KLHL18: variants seen among roughly 807,000 people sequenced by gnomAD.
The protein encoded by KLHL18 is kelch-like protein 18.
A neutral mutation model predicts 58.5 loss-of-function variants in KLHL18; 38 were observed. That is an observed-to-expected ratio of 0.65 (90% CI 0.50 to 0.85). KLHL18 has a LOEUF of 0.85. Ranked by LOEUF, KLHL18 falls within the 40% of genes least tolerant of loss-of-function variation. KLHL18 has a pLI of 0.00. For synonymous variants in KLHL18, 303 were observed against 301.9 expected (o/e 1.00, Z -0.04); for missense variants, 624 against 778.4 (o/e 0.80, Z 2.36).
rs1381970549 is a variant in KLHL18 at position 47,304,899 on chromosome 3, C to G, written c.130-14754C>G. Among the ~76,000 whole-genome samples the G allele has an allele frequency of 2.0e-5, 3 of 151,868 alleles. No individual in the cohort carries two copies. In the East Asian group the frequency reaches 5.8e-4, roughly 30 times the overall value. The stretch of plus-strand genomic sequence containing the variant: ...ATTAGCTGGGTGTGGTGGTGCCCAC[C>G]TGTAGTCCCAACTACTTGGGAGGCT... On this transcript the variant is annotated intron_variant, in intron 1 of 9. Coordinates refer to ENST00000232766, the MANE Select transcript of KLHL18 (RefSeq NM_025010.5).
chr3:47,346,677 A>T lies in KLHL18; in HGVS notation c.*2736A>T, dbSNP rs527998870. 9.8e-5 allele frequency: 15 copies of T among 152,788 alleles called. No homozygotes were observed. Among genetic ancestry groups the T allele is most frequent in the African/African-American group, 3.6e-4 (15 of 41,586 alleles). 9.5% of individuals were successfully genotyped at this position (152,788 alleles called of 1,614,324 possible). A position where few individuals can be genotyped will look rare whatever the true frequency, so the allele number is the denominator to read the frequency against. On this transcript the variant is annotated 3_prime_UTR_variant, in exon 10 of 10. Transcript: ENST00000232766. ...TACAGCCAGATGGGGGCTGAAGACCATCCTCTTGACCACAGAGGTGTGACT... is the reference window on the plus strand; with the variant it reads ...TACAGCCAGATGGGGGCTGAAGACCTTCCTCTTGACCACAGAGGTGTGACT...
At chr3:47,303,832 G>GCAACCT (rs1407061015) in intron 1 of KLHL18, among the ~76,000 whole-genome samples, 1 of 151,924 alleles carries the variant, frequency 6.6e-6, no homozygotes, top group African/African-American at 2.4e-5. Flanking sequence ...ATAGCTCACT[G>GCAACCT]CAACCTCAAA....
At chr3:47,343,439 C>T in intron 9 of KLHL18, 116 bp from the exon 10 acceptor site, 1 of 1,262,832 alleles carries the variant, frequency 7.9e-7, no homozygotes, top group Admixed American at 2.2e-5. Context: ...CTCCTTGTCC[C>T]CATACCTCCC....
rs185139712 is a variant in KLHL18, at chr3:47,329,517, G to A, written c.402-434G>A. 1.1e-3 allele frequency among the ~76,000 whole-genome samples: 172 copies of A among 152,318 alleles called. 2 individuals carry two copies. Among genetic ancestry groups the A allele is most frequent in the African/African-American group, 3.9e-3 (161 of 41,576 alleles). ...GCTGGGATTACAGGCGTGAGCCACC[G>A]TGTCCAGCCCTGTCTGTGTTTTTTA... On this transcript the variant is annotated intron_variant, in intron 3 of 9. Transcript: ENST00000232766.
chr3:47,305,891 G>A (rs1394890804), intron 1 of KLHL18, among the ~76,000 whole-genome samples: 1 of 152,088 alleles, frequency 6.6e-6, no homozygotes, highest in African/African-American at 2.4e-5. Flanking sequence ...GTTGTTCATA[G>A]TATTCTCCTG....
intron 1 of KLHL18, among the ~76,000 whole-genome samples, chr3:47,291,941 C>T (rs985311763): frequency 1.3e-5 from 2 of 152,156 alleles, no homozygotes; most frequent in Non-Finnish European, 2.9e-5. Context: ...AGAATGTTTC[C>T]AAAGTCTTAA....
At chr3:47,290,087 A>G (rs948637840) in intron 1 of KLHL18, among the ~76,000 whole-genome samples, 4 of 152,210 alleles carry the variant, frequency 2.6e-5, no homozygotes, top group African/African-American at 4.8e-5. Flanking sequence ...GGATTTGCCC[A>G]TGGCACAAAG....
chr3:47,344,514 C>CA lies in KLHL18; in HGVS notation c.*574dup, dbSNP rs1437749314. The CA allele has an allele frequency of 6.5e-6, 1 of 153,158 alleles. No individual in the cohort carries two copies. Among genetic ancestry groups the CA allele is most frequent in the African/African-American group, 2.4e-5 (1 of 41,332 alleles). 9.5% of individuals were successfully genotyped at this position (153,158 alleles called of 1,614,324 possible). On this transcript the variant is annotated 3_prime_UTR_variant, in exon 10 of 10. Transcript: ENST00000232766. The stretch of plus-strand genomic sequence containing the variant: ...GATTCTGTCCTCATTGCTGGGTAAG[C>CA]AGGGAGAAGAGAAGTTTTCCCCATG...
intron 1 of KLHL18, among the ~76,000 whole-genome samples, chr3:47,292,320 T>C (rs1367636383): frequency 6.6e-6 from 1 of 151,190 alleles, no homozygotes; most frequent in Admixed American, 6.6e-5. Context: ...ACTAAAAATA[T>C]AAAATTAGCC....
intron 2 of KLHL18, among the ~76,000 whole-genome samples, chr3:47,321,159 T>G (rs540525884): frequency 6.6e-6 from 1 of 151,654 alleles, no homozygotes; most frequent in South Asian, 2.1e-4. Flanking sequence ...TCTGCCAACC[T>G]TTTTTTTGGG....
chr3:47,338,213 G>A (rs1704029311), intron 7 of KLHL18: 1 of 152,098 alleles, frequency 6.6e-6, no homozygotes, highest in African/African-American at 2.4e-5. Context: ...GACTATTCCA[G>A]TCCATGCTGA....
intron 5 of KLHL18, 52 bp downstream of exon 5, chr3:47,333,369 G>A: frequency 6.5e-7 from 1 of 1,549,106 alleles, no homozygotes. Flanking sequence ...AAGCAGGGAA[G>A]AGGAGTTGGC....
intron 3 of KLHL18, among the ~76,000 whole-genome samples, chr3:47,323,141 T>G (rs1175144712): frequency 6.6e-6 from 1 of 151,884 alleles, no homozygotes; most frequent in Non-Finnish European, 1.5e-5. Context: ...CAGGCTGGAG[T>G]GCAGTGGTAT....
At chr3:47,331,425 C>CTTTTTTTTT (rs71098479) in intron 4 of KLHL18, among the ~76,000 whole-genome samples, 3 of 58,506 alleles carry the variant, frequency 5.1e-5, no homozygotes, top group African/African-American at 1.4e-4. Flanking sequence ...CATGCCAGGC[C>CTTTTTTTTT]TTTTTTTTTT....
intron 3 of KLHL18, among the ~76,000 whole-genome samples, chr3:47,329,121 C>A (rs1371940558): frequency 7.1e-6 from 1 of 140,414 alleles, no homozygotes; most frequent in Non-Finnish European, 1.5e-5. Flanking sequence ...AAAGTGAGAC[C>A]CTGTCTCAAA....
intron 1 of KLHL18, among the ~76,000 whole-genome samples, chr3:47,317,995 A>G (rs1576163571): frequency 6.6e-6 from 1 of 152,092 alleles, no homozygotes; most frequent in Non-Finnish European, 1.5e-5. Flanking sequence ...CAGTGACCCA[A>G]GTAGCTGGGA....
chr3:47,287,611 G>C (rs1356232630), intron 1 of KLHL18, among the ~76,000 whole-genome samples: 1 of 151,846 alleles, frequency 6.6e-6, no homozygotes, highest in Non-Finnish European at 1.5e-5. Context: ...TCAGCCTCTT[G>C]AGTAGCTGGG....
At chr3:47,302,459 T>C (rs1703048514) in intron 1 of KLHL18, among the ~76,000 whole-genome samples, 1 of 152,160 alleles carries the variant, frequency 6.6e-6, no homozygotes. Context: ...CACTCCAGCA[T>C]GGCAACAGAG....
chr3:47,330,832 G>A (rs1703840072), intron 4 of KLHL18, among the ~76,000 whole-genome samples: 1 of 152,136 alleles, frequency 6.6e-6, no homozygotes, highest in Non-Finnish European at 1.5e-5. Context: ...CCAGGTTCAA[G>A]CAATTCTCCC....
Sources: gnomAD v4.1 joint callset for allele counts (sites outside exome capture counted in the v4.1 genomes callset) on GRCh38, gnomAD v4.1.1 for gene constraint, MANE v1.5 for transcripts, NCBI Gene and HGNC (gene_info 2026-07-23, HGNC 2026-07-21) for gene names.